Variants in VPS33B observed in about 807,000 individuals in gnomAD.
The protein encoded by VPS33B is vacuolar protein sorting-associated protein 33B.
VPS33B carries 80 observed loss-of-function variants against 95.3 expected under a neutral mutation model. That is an observed-to-expected ratio of 0.84 (90% confidence interval 0.70 to 1.01). The LOEUF (loss-of-function observed/expected upper bound fraction) is 1.01. VPS33B is among the 50% of genes least tolerant of loss of function. The pLI, the probability that VPS33B is intolerant of heterozygous loss-of-function variation, is 0.00. For missense variants in VPS33B, 715 were observed against 773.4 expected (o/e 0.92, Z 0.90); for synonymous variants, 280 against 280.4 (o/e 1.00, Z 0.01).
intron 4 of VPS33B, 84 bp downstream of exon 4, chr15:91,014,297 TTTC>T: frequency 7.4e-7 from 1 of 1,358,926 alleles, no homozygotes; most frequent in Non-Finnish European, 1.1e-6. Context: ...AAACAATTAT[TTTC>T]TTATTAGAGG....
chr15:91,006,370 A>C lies in VPS33B; in HGVS notation c.852+2T>G. On this transcript the variant is annotated splice_donor_variant, in intron 11 of 22. Transcript: ENST00000333371. LOFTEE classifies it high-confidence loss of function. The surrounding 1 kb of genome is among the most constrained non-coding windows in gnomAD (Gnocchi z 5.4). ...GCCCATTGCTAGCACCCACACCCTC[A>C]CCTTGTCCTCGGCATTGAGTAGCAC... 2 of 1,613,930 alleles carry C rather than the reference A, an allele frequency of 1.2e-6. No homozygotes were observed. Among genetic ancestry groups the C allele is most frequent in the Non-Finnish European group, 1.7e-6 (2 of 1,179,966 alleles).
Position 91,019,328 on chromosome 15 carries a change from G to C in VPS33B, c.97-1443C>G, listed in dbSNP as rs535681293. On this transcript the variant is annotated intron_variant, in intron 1 of 22. Transcript: ENST00000333371. ...ACATGGAATTTCGCCATGTTGGCCAGGGTGTTCTCGAACCCCTGACCTCCT... is the reference window on the plus strand; with the variant it reads ...ACATGGAATTTCGCCATGTTGGCCACGGTGTTCTCGAACCCCTGACCTCCT... Among the ~76,000 whole-genome samples the C allele has an allele frequency of 4.0e-5, 6 of 151,698 alleles. No homozygotes were observed. The South Asian group carries it at 1.3e-3, about 32-fold the overall frequency.
chr15:91,017,704 A>T (rs994391350), intron 2 of VPS33B, 101 bp downstream of exon 2: 2 of 1,131,054 alleles, frequency 1.8e-6, no homozygotes. Flanking sequence ...GCTACCCTAT[A>T]TTTGCCCTAC....
Position 91,013,841 on chromosome 15 carries a change from C to T in VPS33B, c.320G>A (p.Arg107Gln), listed in dbSNP as rs199921354. Reference sequence around the variant, plus strand: ...GAAGATCACTTTGTATTTGCGAGTTCGGCCAGCCAATTTGTCAGCATTGAC... The same window carrying T: ...GAAGATCACTTTGTATTTGCGAGTTTGGCCAGCCAATTTGTCAGCATTGAC... ...SLVNADKLAG[R>Q]TRKYKVIFSP... The change falls in exon 5 of 23, where the codon CGA becomes CAA. Residue 107 changes from arginine to glutamine, a missense_variant. Arg to Gln is a conservative substitution (Grantham distance 43). Coordinates refer to ENST00000333371, the MANE Select transcript of VPS33B (RefSeq NM_018668.5). This position sits in a 1 kb window ranked among gnomAD's most constrained non-coding sequence, Gnocchi z 4.5. The T allele has an allele frequency of 7.3e-5, 118 of 1,614,000 alleles. No homozygotes were observed. Among genetic ancestry groups the T allele is most frequent in the African/African-American group, 1.7e-4 (13 of 74,906 alleles).
chr15:91,008,933 C>T (rs1372360786), intron 6 of VPS33B, among the ~76,000 whole-genome samples: 1 of 152,106 alleles, frequency 6.6e-6, no homozygotes, highest in East Asian at 1.9e-4. Context: ...GTCTCTCTGG[C>T]TGGAGGGTGG....
intron 1 of VPS33B, among the ~76,000 whole-genome samples, chr15:91,021,151 T>C (rs915582759): frequency 3.9e-5 from 6 of 152,218 alleles, no homozygotes; most frequent in African/African-American, 1.4e-4. Context: ...ATTAAGCACA[T>C]GGTGTGTGCT....
intron 19 of VPS33B, 136 bp downstream of exon 19, chr15:91,001,253 T>C (rs1404658734): frequency 3.1e-6 from 2 of 635,574 alleles, no homozygotes; most frequent in Non-Finnish European, 5.5e-6. Flanking sequence ...GAGGTTGCAG[T>C]GAGCTGAGAT....
At chr15:91,017,395 T>A (rs371930831) in intron 2 of VPS33B, among the ~76,000 whole-genome samples, 16,116 of 60,380 alleles carry the variant, frequency 0.27, 4,623 homozygotes, top group East Asian at 0.94. Flanking sequence ...TATATATATA[T>A]ATATATATAT....
chr15:91,014,400 ATTC>A lies in VPS33B; in HGVS notation c.270_272del (p.Lys90del). ...CACACTCACTGGCAATGTATCGCAT[ATTC>A]TTGATGCGGGGTCTGACCAAGAAGC... On this transcript the variant is annotated inframe_deletion, in exon 4 of 23. Transcript: ENST00000333371. The A allele has an allele frequency of 6.2e-7, 1 of 1,614,066 alleles. No homozygotes were observed. Among genetic ancestry groups the A allele is most frequent in the Non-Finnish European group, 8.5e-7 (1 of 1,179,998 alleles).
Position 91,005,943 on chromosome 15 carries a change from A to G in VPS33B, c.939+30T>C. The G allele has an allele frequency of 6.2e-7, 1 of 1,613,514 alleles. No homozygotes were observed. The highest frequency in any genetic ancestry group is 8.5e-7 in the Non-Finnish European group (1 of 1,179,716). ...AGCCTTGGGAAGCCACTGAGGCAAC[A>G]AAACAGAGGAGCAGGGCTTGGAGCC... On this transcript the variant is annotated intron_variant, in intron 12 of 22. Transcript: ENST00000333371. This position sits in a 1 kb window ranked among gnomAD's most constrained non-coding sequence, Gnocchi z 6.4.
Position 91,005,749 on chromosome 15 carries a change from ATTC to A in VPS33B, c.972_974del (p.Lys324del). 4 of 1,614,100 alleles carry A rather than the reference ATTC, an allele frequency of 2.5e-6. No homozygotes were observed. The highest frequency in any genetic ancestry group is 3.4e-6 in the Non-Finnish European group (4 of 1,180,016). On this transcript the variant is annotated inframe_deletion, in exon 13 of 23. Coordinates refer to ENST00000333371, the MANE Select transcript of VPS33B (RefSeq NM_018668.5). The surrounding 1 kb of genome is among the most constrained non-coding windows in gnomAD (Gnocchi z 6.4). ...GGCCCTTGAGCTCCTGGGACACGAA[ATTC>A]TTCATCTGCTTAATGTCCATGCCTC...
intron 2 of VPS33B, among the ~76,000 whole-genome samples, chr15:91,017,389 T>TATATATAC (rs2040968422): frequency 1.9e-5 from 1 of 52,762 alleles, no homozygotes; most frequent in Non-Finnish European, 3.2e-5. Flanking sequence ...TATATATATA[T>TATATATAC]ATATATATAT....
chr15:90,998,731 A>T lies in VPS33B; in HGVS notation c.*244T>A. The T allele has an allele frequency of 1.7e-6, 1 of 584,278 alleles. No homozygotes were observed. The highest frequency in any genetic ancestry group is 1.9e-5 in the South Asian group (1 of 51,532). The allele number at this position is 584,278 out of a possible 1,614,324, so 36.2% of individuals were successfully genotyped here. A position where few individuals can be genotyped will look rare whatever the true frequency, so the allele number is the denominator to read the frequency against. On this transcript the variant is annotated 3_prime_UTR_variant, in exon 23 of 23. Coordinates refer to ENST00000333371, the MANE Select transcript of VPS33B (RefSeq NM_018668.5). This position sits in a 1 kb window ranked among gnomAD's most constrained non-coding sequence, Gnocchi z 4.8. ...ACATTCAAACAGGATTTAGCAAAGG[A>T]TGCCTCTTCCTGCTCGCATCTTAGC...
chr15:91,008,862 C>T (rs1046590621), intron 6 of VPS33B, among the ~76,000 whole-genome samples: 4 of 152,164 alleles, frequency 2.6e-5, no homozygotes, highest in East Asian at 3.9e-4. Context: ...GGGTAAGACT[C>T]GGGAAGGCAA....
At position 91,005,429 on chromosome 15, in the gene VPS33B, CATG is replaced by C; in HGVS notation, c.1053_1055del (p.Ile351del). 1 of 1,614,094 alleles carries C rather than the reference CATG, an allele frequency of 6.2e-7. No individual in the cohort carries two copies. The highest frequency in any genetic ancestry group is 8.5e-7 in the Non-Finnish European group (1 of 1,180,022). Reference sequence around the variant, plus strand: ...GGAAATCCTGCTTGGTTTTCTTCTTCATGATGGATTCACAGGCCCCAATATCTG... The same window carrying C: ...GGAAATCCTGCTTGGTTTTCTTCTTCATGGATTCACAGGCCCCAATATCTG... On this transcript the variant is annotated inframe_deletion, in exon 14 of 23. Coordinates refer to ENST00000333371, the MANE Select transcript of VPS33B (RefSeq NM_018668.5). This position sits in a 1 kb window ranked among gnomAD's most constrained non-coding sequence, Gnocchi z 6.4.
At chr15:91,016,341 C>T (rs1377353489) in intron 3 of VPS33B, among the ~76,000 whole-genome samples, 4 of 146,872 alleles carry the variant, frequency 2.7e-5, no homozygotes, top group African/African-American at 1.0e-4. Flanking sequence ...TGTGGACAAT[C>T]TTCAGCAAGT....
chr15:91,017,821 T>A lies in VPS33B; in HGVS notation c.161A>T (p.Asn54Ile). 2.5e-6 allele frequency: 4 copies of A among 1,614,118 alleles called. No homozygotes were observed. The highest frequency in any genetic ancestry group is 3.4e-6 in the Non-Finnish European group (4 of 1,179,996). Residue 54 changes from asparagine (N) to isoleucine (I), a missense_variant, in exon 2 of 23, where the codon AAT (asparagine) becomes ATT (isoleucine). By Grantham distance (149) the Asn-to-Ile change is moderately radical. Transcript: ENST00000333371. ...GGACAGTACCTTCAGGATGGAGACA[T>A]TGGCAATTCGATCCAAAGGGCTCAT... ...DLMSPLDRIANVSILKQHEVD... is the reference protein window; with the variant it reads ...DLMSPLDRIAIVSILKQHEVD...
rs1443012586 is a variant in VPS33B, at chr15:91,017,878, C to T, written c.104G>A (p.Gly35Glu). Residue 35 changes from glycine (G) to glutamate (E), a missense_variant, in exon 2 of 23, where the codon GGA becomes GAA. Coordinates refer to ENST00000333371, the MANE Select transcript of VPS33B (RefSeq NM_018668.5). ...QLIYLLEQLP[G>E]KKDLFIEADL... ...TGCCTCAATGAATAAATCCTTTTTT[C>T]CAGGAAGCTGAAGGAGACACAATAT... 6.2e-7 allele frequency: 1 copy of T among 1,613,978 alleles called. No homozygotes were observed. The highest frequency in any genetic ancestry group is 1.1e-5 in the South Asian group (1 of 91,084).
intron 16 of VPS33B, 42 bp downstream of exon 16, chr15:91,004,835 T>C: frequency 6.2e-7 from 1 of 1,611,328 alleles, no homozygotes. Flanking sequence ...TAAGGCATAG[T>C]TTCTCAATCT....
Sources: allele counts gnomAD v4.1 joint callset (sites outside exome capture counted in the v4.1 genomes callset), GRCh38; gene constraint gnomAD v4.1.1; non-coding constraint Gnocchi (gnomAD v3.1); transcripts MANE v1.5; gene names NCBI Gene and HGNC (gene_info 2026-07-23, HGNC 2026-07-21).